The following ANKRD13B variants were observed in gnomAD, a reference collection of about 807,000 sequenced individuals.
The protein encoded by ANKRD13B is ankyrin repeat domain 13B.
Under a neutral mutation model 74.4 loss-of-function variants are expected in ANKRD13B, and 33 were observed. That is an observed-to-expected ratio of 0.44 (90% CI 0.34 to 0.59). The LOEUF is 0.59. Among genes scored for constraint, ANKRD13B ranks in the 20% least tolerant of loss-of-function variants. ANKRD13B has a pLI of 0.02. For synonymous variants in ANKRD13B, 341 were observed against 362.9 expected, an observed-to-expected ratio of 0.94 and a Z score of 0.68; for missense variants, 676 against 877.9, an observed-to-expected ratio of 0.77 and a Z score of 2.91.
In ANKRD13B at chr17:29,610,757, A is replaced by G. The variant is rs755285692; in HGVS notation, c.895A>G (p.Lys299Glu). ...ACATCTTTCAGAACAGCACAAGGGC[A>G]AGGTCAAAGGTAATGAGGCAGAGCT... Reference protein sequence around the residue: ...TEHLSEQHKGKVKGCKTPLQS... With the variant: ...TEHLSEQHKGEVKGCKTPLQS... Residue 299 changes from lysine to glutamate, a missense_variant, in exon 8 of 15, where the codon AAG (lysine) becomes GAG (glutamate). By Grantham distance (56) the Lys-to-Glu change is moderately conservative. Coordinates refer to ENST00000394859, the MANE Select transcript of ANKRD13B (RefSeq NM_152345.5). 1 of 1,613,894 alleles carries G rather than the reference A, an allele frequency of 6.2e-7. No individual in the cohort carries two copies. The highest frequency in any genetic ancestry group is 1.1e-5 in the South Asian group (1 of 91,050).
chr17:29,610,277 T>C (rs190199352), intron 7 of ANKRD13B, among the ~76,000 whole-genome samples: 8 of 151,362 alleles, frequency 5.3e-5, no homozygotes, highest in Admixed American at 5.3e-4. Context: ...ACAAATGCCA[T>C]GGGTTTTGTG....
intron 1 of ANKRD13B, among the ~76,000 whole-genome samples, chr17:29,595,156 A>G (rs996562311): frequency 3.3e-5 from 5 of 152,292 alleles, no homozygotes; most frequent in Admixed American, 2.6e-4. Context: ...AAGCCTGTTA[A>G]AGAGAGTGGG....
rs1054723773 is a variant in ANKRD13B at position 29,614,190 on chromosome 17, T to A, written c.*608T>A. 3 of 149,670 alleles carry A rather than the reference T, an allele frequency of 2.0e-5. No homozygotes were observed. The highest frequency in any genetic ancestry group is 7.4e-5 in the African/African-American group (3 of 40,530). The allele number at this position is 149,670 out of a possible 1,614,324, so 9.3% of individuals were successfully genotyped here. On this transcript the variant is annotated 3_prime_UTR_variant, in exon 15 of 15. Transcript: ENST00000394859. Reference sequence around the variant, plus strand: ...TCCTGGGTCTCAGGGTGGTTCCAGCTTCTCCTTGGGCAGCCAGAAGTTGGA... The same window carrying A: ...TCCTGGGTCTCAGGGTGGTTCCAGCATCTCCTTGGGCAGCCAGAAGTTGGA...
rs865914836 is a variant in ANKRD13B at position 29,611,770 on chromosome 17, C to T, written c.970-106C>T. On this transcript the variant is annotated intron_variant, in intron 9 of 14. Transcript: ENST00000394859. This position sits in a 1 kb window ranked among gnomAD's most constrained non-coding sequence, Gnocchi z 4.3. ...TCCACAATGCCCAAGGCCATGTCAG[C>T]GCCACACTGGCAGAGGGGACAGCTT... 2.7e-5 allele frequency: 42 copies of T among 1,565,820 alleles called. No individual in the cohort carries two copies. Among genetic ancestry groups the T allele is most frequent in the South Asian group, 2.2e-4 (19 of 86,248 alleles).
chr17:29,611,752 T>C lies in ANKRD13B; in HGVS notation c.969+109T>C. The C allele has an allele frequency of 6.4e-7, 1 of 1,571,042 alleles. No individual in the cohort carries two copies. Among genetic ancestry groups the C allele is most frequent in the Non-Finnish European group, 8.7e-7 (1 of 1,146,928 alleles). The stretch of plus-strand genomic sequence containing the variant: ...GCCTATGTGGACCTCCTTTCCACAA[T>C]GCCCAAGGCCATGTCAGCGCCACAC... On this transcript the variant is annotated intron_variant, in intron 9 of 14. Transcript: ENST00000394859. This position sits in a 1 kb window ranked among gnomAD's most constrained non-coding sequence, Gnocchi z 4.3.
rs373028767 is a variant in ANKRD13B, at chr17:29,611,306, G to T, written c.905-273G>T. Among the ~76,000 whole-genome samples, 26 of 152,186 alleles carry T rather than the reference G, an allele frequency of 1.7e-4. No homozygotes were observed. Among genetic ancestry groups the T allele is most frequent in the African/African-American group, 6.3e-4 (26 of 41,442 alleles). On this transcript the variant is annotated intron_variant, in intron 8 of 14. Transcript: ENST00000394859. This position sits in a 1 kb window ranked among gnomAD's most constrained non-coding sequence, Gnocchi z 4.3. The stretch of plus-strand genomic sequence containing the variant: ...CCGGGGCAGGCGTTTTACTGTCCAG[G>T]GTCACCGAGCTGGAGAGGAGCACTT...
rs963076210 is a variant in ANKRD13B at position 29,609,870 on chromosome 17, C to G, written c.822+449C>G. On this transcript the variant is annotated intron_variant, in intron 7 of 14. Transcript: ENST00000394859. The surrounding 1 kb of genome is among the most constrained non-coding windows in gnomAD (Gnocchi z 4.0). ...AGTTGGGGTTCAGATCCTGGCTGGC[C>G]TGACCCTAGAGCCAGGCCTTTATCC... 5.3e-5 allele frequency among the ~76,000 whole-genome samples: 8 copies of G among 152,122 alleles called. No homozygotes were observed. Among genetic ancestry groups the G allele is most frequent in the African/African-American group, 1.9e-4 (8 of 41,406 alleles).
Position 29,598,081 on chromosome 17 carries a change from C to T in ANKRD13B, c.114+4346C>T, listed in dbSNP as rs144081842. On this transcript the variant is annotated intron_variant, in intron 1 of 14. Transcript: ENST00000394859. ...GGGCCCTGTGGCCCTCTCCCACTCC[C>T]GCTGCCGGGCTCAGGACCCCACCCA... Among the ~76,000 whole-genome samples, 177 of 152,310 alleles carry T rather than the reference C, an allele frequency of 1.2e-3. 4 individuals carry two copies. The East Asian group carries it at 0.028, about 24-fold the overall frequency.
chr17:29,608,554 A>G lies in ANKRD13B; in HGVS notation c.422-297A>G. 1 of 574,042 alleles carries G rather than the reference A, an allele frequency of 1.7e-6. No homozygotes were observed. 35.6% of individuals were successfully genotyped at this position (574,042 alleles called of 1,614,324 possible). On this transcript the variant is annotated intron_variant, in intron 4 of 14. Coordinates refer to ENST00000394859, the MANE Select transcript of ANKRD13B (RefSeq NM_152345.5). The surrounding 1 kb of genome is among the most constrained non-coding windows in gnomAD (Gnocchi z 6.4). Reference sequence around the variant, plus strand: ...ATTCCCAGTGGCTGGAACACTCAGTAGGTGTTTCATAAATATTTGTTGAAA... The same window carrying G: ...ATTCCCAGTGGCTGGAACACTCAGTGGGTGTTTCATAAATATTTGTTGAAA...
chr17:29,613,535 G>T lies in ANKRD13B; in HGVS notation c.1834G>T (p.Glu612Ter). 1 of 1,524,416 alleles carries T rather than the reference G, an allele frequency of 6.6e-7. No individual in the cohort carries two copies. 94.4% of individuals were successfully genotyped at this position (1,524,416 alleles called of 1,614,324 possible). The change falls in exon 15 of 15, where the codon GAG becomes TAG. Residue 612 changes from glutamate (E) to a stop codon, truncating the protein, a stop_gained. Coordinates refer to ENST00000394859, the MANE Select transcript of ANKRD13B (RefSeq NM_152345.5). LOFTEE classifies it high-confidence loss of function. ...EERRRRARQE[E>*]EELERILRLS... ...GAGGCGGCGGCGCGCGCGCCAGGAG[G>T]AGGAGGAGCTGGAGCGCATCCTGAG...
rs765916532 is a variant in ANKRD13B, at chr17:29,612,018, G to A, written c.1100+12G>A. 1 of 1,610,132 alleles carries A rather than the reference G, an allele frequency of 6.2e-7. No individual in the cohort carries two copies. Among genetic ancestry groups the A allele is most frequent in the Non-Finnish European group, 8.5e-7 (1 of 1,178,010 alleles). ...ACCAAGACACAGAAGTGAGGCCCCT[G>A]CCGGTGCTGGGAAGGTGGGGGGCCG... On this transcript the variant is annotated intron_variant, in intron 10 of 14. Coordinates refer to ENST00000394859, the MANE Select transcript of ANKRD13B (RefSeq NM_152345.5). The surrounding 1 kb of genome is among the most constrained non-coding windows in gnomAD (Gnocchi z 6.1).
At chr17:29,600,393 C>T (rs1031069709) in intron 1 of ANKRD13B, among the ~76,000 whole-genome samples, 1 of 152,130 alleles carries the variant, frequency 6.6e-6, no homozygotes, top group South Asian at 2.1e-4. Flanking sequence ...ACTTCCTACT[C>T]GGGTAGATAG....
intron 1 of ANKRD13B, among the ~76,000 whole-genome samples, chr17:29,599,034 G>A (rs1044372555): frequency 1.3e-5 from 2 of 152,208 alleles, no homozygotes; most frequent in Admixed American, 6.5e-5. Flanking sequence ...AGGTGCAGGA[G>A]GTGCTCAACA....
chr17:29,606,758 A>G (rs1411294209), intron 1 of ANKRD13B, among the ~76,000 whole-genome samples: 1 of 107,754 alleles, frequency 9.3e-6, no homozygotes, highest in Non-Finnish European at 1.8e-5. Context: ...AAAAAAAAAA[A>G]AATCTTTTGT....
At chr17:29,602,179 AGG>A (rs1233539811) in intron 1 of ANKRD13B, among the ~76,000 whole-genome samples, 1 of 151,988 alleles carries the variant, frequency 6.6e-6, no homozygotes, top group African/African-American at 2.4e-5. Context: ...GCGGATCACG[AGG>A]TCAGGAGATC....
rs945798781 is a variant in ANKRD13B at position 29,608,532 on chromosome 17, C to A, written c.421+292C>A. 7.0e-6 allele frequency: 4 copies of A among 571,892 alleles called. No homozygotes were observed. The African/African-American group carries it at 7.5e-5, about 11-fold the overall frequency. 35.4% of individuals were successfully genotyped at this position (571,892 alleles called of 1,614,324 possible). On this transcript the variant is annotated intron_variant, in intron 4 of 14. Transcript: ENST00000394859. The surrounding 1 kb of genome is among the most constrained non-coding windows in gnomAD (Gnocchi z 6.4). ...GTCCTGTCTTTTTCACTGTTGTATT[C>A]CCAGTGGCTGGAACACTCAGTAGGT... is the stretch of plus-strand genomic sequence containing the variant.
chr17:29,601,956 AC>A (rs2034194817), intron 1 of ANKRD13B, among the ~76,000 whole-genome samples: 1 of 152,110 alleles, frequency 6.6e-6, no homozygotes, highest in Non-Finnish European at 1.5e-5. Context: ...TCTTTTTACC[AC>A]TAGTTTTCAG....
chr17:29,605,628 G>A (rs532195209), intron 1 of ANKRD13B, among the ~76,000 whole-genome samples: 66 of 152,064 alleles, frequency 4.3e-4, no homozygotes, highest in African/African-American at 1.4e-3. Context: ...CATCATACCC[G>A]GCTAATTCTT....
rs568098076 is a variant in ANKRD13B, at chr17:29,608,436, CTG to C, written c.421+198_421+199del. On this transcript the variant is annotated intron_variant, in intron 4 of 14. Transcript: ENST00000394859. This position sits in a 1 kb window ranked among gnomAD's most constrained non-coding sequence, Gnocchi z 6.4. ...TGACTCCATTATTATTCTCTTCACT[CTG>C]TCATGATTTGCTTACTGTATTCATG... is the stretch of plus-strand genomic sequence containing the variant. Among the ~76,000 whole-genome samples the C allele has an allele frequency of 6.4e-4, 98 of 152,352 alleles. No individual in the cohort carries two copies. The highest frequency in any genetic ancestry group is 3.4e-3 in the Middle Eastern group (1 of 294).
Sources: allele counts gnomAD v4.1 joint callset (sites outside exome capture counted in the v4.1 genomes callset), GRCh38; gene constraint gnomAD v4.1.1; non-coding constraint Gnocchi (gnomAD v3.1); transcripts MANE v1.5; gene names NCBI Gene and HGNC (gene_info 2026-07-23, HGNC 2026-07-21).